Variants in AHRR observed in about 807,000 individuals in gnomAD.
The protein encoded by AHRR is ahR repressor.
AHRR carries 28 observed loss-of-function variants against 44.0 expected under a neutral mutation model. The observed-to-expected ratio is 0.64, with a 90% CI of 0.47 to 0.87. The LOEUF (loss-of-function observed/expected upper bound fraction) is 0.87, where lower values mean the gene tolerates loss of function less well. Ranked by LOEUF, AHRR falls within the 40% of genes least tolerant of loss-of-function variation. The pLI is 0.00. For missense variants in AHRR, 990 were observed against 953.9 expected (o/e 1.04, Z -0.50); for synonymous variants, 434 against 407.0 (o/e 1.07, Z -0.80).
rs1742180391 is a variant in AHRR at position 337,448 on chromosome 5, G to A, written c.-10-6445G>A. 6.6e-6 allele frequency among the ~76,000 whole-genome samples: 1 copy of A among 152,000 alleles called. No individual in the cohort carries two copies. Among genetic ancestry groups the A allele is most frequent in the South Asian group, 2.1e-4 (1 of 4,818 alleles). ...GGCTGGAGTGCAGTGGTGTGATCTGGGCTCACTGCAGCCTTGACCTCCCAG... is the reference window on the plus strand; with the variant it reads ...GGCTGGAGTGCAGTGGTGTGATCTGAGCTCACTGCAGCCTTGACCTCCCAG... On this transcript the variant is annotated intron_variant, in intron 1 of 10. Coordinates refer to ENST00000684583, the MANE Select transcript of AHRR (RefSeq NM_001377236.1). The surrounding 1 kb of genome is among the most constrained non-coding windows in gnomAD (Gnocchi z 4.1).
At position 435,130 on chromosome 5, in the gene AHRR, T is replaced by C. The variant is rs1736951293; in HGVS notation, c.*296T>C. On this transcript the variant is annotated 3_prime_UTR_variant, in exon 11 of 11. Transcript: ENST00000684583. Reference sequence around the variant, plus strand: ...AAGTGATCATGGCTGGACAGCTTCATGCCCCAGAGGCAGCGAGCACCCGTC... The same window carrying C: ...AAGTGATCATGGCTGGACAGCTTCACGCCCCAGAGGCAGCGAGCACCCGTC... The C allele has an allele frequency of 2.6e-6, 1 of 389,716 alleles. No homozygotes were observed. Among genetic ancestry groups the C allele is most frequent in the Non-Finnish European group, 4.6e-6 (1 of 216,824 alleles). 24.1% of individuals were successfully genotyped at this position (389,716 alleles called of 1,614,324 possible). A position where few individuals can be genotyped will look rare whatever the true frequency, so the allele number is the denominator to read the frequency against.
intron 2 of AHRR, among the ~76,000 whole-genome samples, chr5:351,444 G>A (rs1378259669): frequency 2.0e-5 from 3 of 152,242 alleles, no homozygotes; most frequent in African/African-American, 7.2e-5. Flanking sequence ...AGCACAGAGA[G>A]CTGCAGCAGT....
chr5:386,186 A>T (rs1307811471), intron 4 of AHRR, among the ~76,000 whole-genome samples: 1 of 151,870 alleles, frequency 6.6e-6, no homozygotes, highest in Non-Finnish European at 1.5e-5. Flanking sequence ...TCATTATATC[A>T]TCTGTGTCAT....
intron 7 of AHRR, chr5:427,533 C>T (rs1736483292): frequency 2.2e-6 from 3 of 1,382,526 alleles, no homozygotes; most frequent in Non-Finnish European, 3.0e-6. Flanking sequence ...TGAACAGGCA[C>T]ACACGCGGGA....
At chr5:433,554 G>A (rs1736839195) in intron 10 of AHRR, among the ~76,000 whole-genome samples, 1 of 152,234 alleles carries the variant, frequency 6.6e-6, no homozygotes, top group Non-Finnish European at 1.5e-5. Context: ...AGTGACTGGT[G>A]TGGCTGACAC....
rs113249424 is a variant in AHRR, at chr5:372,751, A to G, written c.245-3859A>G. On this transcript the variant is annotated intron_variant, in intron 3 of 10. Coordinates refer to ENST00000684583, the MANE Select transcript of AHRR (RefSeq NM_001377236.1). ...CAATGTGGCTTCGTTTCTGGGCATC[A>G]CGGCATCACCCAGACGCACAGCTGG... 3.9e-5 allele frequency among the ~76,000 whole-genome samples: 6 copies of G among 152,218 alleles called. 1 individual carries two copies. Among genetic ancestry groups the G allele is most frequent in the African/African-American group, 1.4e-4 (6 of 41,530 alleles).
At chr5:414,423 C>G (rs1418065033) in intron 5 of AHRR, among the ~76,000 whole-genome samples, 1 of 152,102 alleles carries the variant, frequency 6.6e-6, no homozygotes, top group Admixed American at 6.5e-5. Context: ...CCCCCAGGAT[C>G]TGGAAATCAG....
intron 7 of AHRR, among the ~76,000 whole-genome samples, chr5:426,810 A>G (rs115386647): frequency 0.029 from 4,194 of 145,306 alleles, 112 homozygotes; most frequent in Middle Eastern, 0.089. Context: ...GGATGGATGG[A>G]TAGATGGGAA....
At chr5:341,164 G>A (rs912038538) in intron 1 of AHRR, among the ~76,000 whole-genome samples, 3 of 151,606 alleles carry the variant, frequency 2.0e-5, no homozygotes, top group East Asian at 3.9e-4. Context: ...ACAGGTGCAC[G>A]CCACCATGCC....
intron 1 of AHRR, among the ~76,000 whole-genome samples, chr5:327,832 G>A (rs955655004): frequency 7.9e-5 from 12 of 151,936 alleles, no homozygotes; most frequent in Admixed American, 2.6e-4. Context: ...TGTGCACAAC[G>A]TGCAGGTTTG....
At chr5:322,406 G>A (rs957747839) in intron 1 of AHRR, among the ~76,000 whole-genome samples, 1 of 152,128 alleles carries the variant, frequency 6.6e-6, no homozygotes, top group Non-Finnish European at 1.5e-5. Flanking sequence ...CTGCGAGGCC[G>A]GAGGTCAGAG....
rs1422753886 is a variant in AHRR at position 415,579 on chromosome 5, C to G, written c.441+2146C>G. On this transcript the variant is annotated intron_variant, in intron 5 of 10. Coordinates refer to ENST00000684583, the MANE Select transcript of AHRR (RefSeq NM_001377236.1). ...CTAGGGGCCGAATCTGCCTGGTCTG[C>G]TGGGAGGCCTAGGGGCCGAATCTGC... Among the ~76,000 whole-genome samples the G allele has an allele frequency of 4.8e-4, 34 of 70,828 alleles. 1 individual carries two copies. Among genetic ancestry groups the G allele is most frequent in the South Asian group, 1.3e-3 (3 of 2,400 alleles). The allele number at this position is 70,828 out of a possible 152,430, so 46.5% of individuals were successfully genotyped here.
At chr5:399,618 C>T (rs1405117734) in intron 4 of AHRR, among the ~76,000 whole-genome samples, 1 of 152,146 alleles carries the variant, frequency 6.6e-6, no homozygotes, top group Non-Finnish European at 1.5e-5. Flanking sequence ...GAAACCAAGG[C>T]CCAGAGAGGT....
Position 437,303 on chromosome 5 carries a change from A to C in AHRR, c.*2469A>C, listed in dbSNP as rs1316313269. 1 of 152,346 alleles carries C rather than the reference A, an allele frequency of 6.6e-6. No individual in the cohort carries two copies. The highest frequency in any genetic ancestry group is 1.5e-5 in the Non-Finnish European group (1 of 68,052). 9.4% of individuals were successfully genotyped at this position (152,346 alleles called of 1,614,324 possible). A position where few individuals can be genotyped will look rare whatever the true frequency, so the allele number is the denominator to read the frequency against. The stretch of plus-strand genomic sequence containing the variant: ...AGCCACGTCCTGTGTCCTGGAGCTT[A>C]GCCCTCAGCAGCTCCCTTCAGCCTG... On this transcript the variant is annotated 3_prime_UTR_variant, in exon 11 of 11. Coordinates refer to ENST00000684583, the MANE Select transcript of AHRR (RefSeq NM_001377236.1).
Position 432,137 on chromosome 5 carries a change from C to T in AHRR, c.909-326C>T, listed in dbSNP as rs1384899186. The T allele has an allele frequency of 2.1e-5, 7 of 334,476 alleles. No individual in the cohort carries two copies. The East Asian group carries it at 2.4e-4, about 11-fold the overall frequency. 20.7% of individuals were successfully genotyped at this position (334,476 alleles called of 1,614,324 possible). On this transcript the variant is annotated intron_variant, in intron 8 of 10. Transcript: ENST00000684583. ...ACTACCTGGAGTCATGAGAATGGAC[C>T]GTATTTTCTTTCTGGCCTTCCAGGA...
Position 391,388 on chromosome 5 carries a change from G to GCGGGCGC in AHRR, c.351+14672_351+14673insCGGGCGC, listed in dbSNP as rs1734433237. On this transcript the variant is annotated intron_variant, in intron 4 of 10. Coordinates refer to ENST00000684583, the MANE Select transcript of AHRR (RefSeq NM_001377236.1). ...AGAGCGTGCATGGGCGCAGGGCGAGGAGGGCGCAGGGCGAGGCAGGGCCAG... is the reference window on the plus strand; with the variant it reads ...AGAGCGTGCATGGGCGCAGGGCGAGGCGGGCGCAGGGCGCAGGGCGAGGCAGGGCCAG... 5.4e-5 allele frequency among the ~76,000 whole-genome samples: 6 copies of GCGGGCGC among 110,998 alleles called. 1 individual carries two copies. Among genetic ancestry groups the GCGGGCGC allele is most frequent in the East Asian group, 4.6e-4 (2 of 4,308 alleles). 72.8% of individuals were successfully genotyped at this position (110,998 alleles called of 152,430 possible).
intron 1 of AHRR, among the ~76,000 whole-genome samples, chr5:332,518 G>A (rs1023275498): frequency 5.9e-4 from 90 of 152,058 alleles, no homozygotes; most frequent in Non-Finnish European, 8.8e-4. Context: ...CACCCGCCTC[G>A]GCCTCCCAAA....
At chr5:382,368 T>C (rs942181609) in intron 4 of AHRR, among the ~76,000 whole-genome samples, 14 of 152,222 alleles carry the variant, frequency 9.2e-5, no homozygotes, top group African/African-American at 3.4e-4. Flanking sequence ...TTTTCTTAGG[T>C]GAATTGTACT....
intron 8 of AHRR, among the ~76,000 whole-genome samples, chr5:429,322 G>A (rs1181953283): frequency 7.2e-6 from 1 of 139,404 alleles, no homozygotes; most frequent in Non-Finnish European, 1.6e-5. Context: ...AGTGAGGTAG[G>A]GCCGGGGCCG....
Sources: gnomAD v4.1 joint callset for allele counts (sites outside exome capture counted in the v4.1 genomes callset) on GRCh38, gnomAD v4.1.1 for gene constraint, Gnocchi (gnomAD v3.1) non-coding constraint, MANE v1.5 for transcripts, NCBI Gene and HGNC (gene_info 2026-07-23, HGNC 2026-07-21) for gene names.